The following MPPED2 variants were observed in gnomAD, a reference collection of about 807,000 sequenced individuals.
MPPED2 encodes metallophosphoesterase MPPED2.
Under a neutral mutation model 33.0 loss-of-function variants are expected in MPPED2, and 5 were observed. The ratio of observed to expected loss-of-function variants is 0.15; its 90% CI spans 0.08 to 0.32. The LOEUF (loss-of-function observed/expected upper bound fraction) is 0.32. Among genes scored for constraint, MPPED2 ranks in the 10% least tolerant of loss-of-function variants. The pLI, the probability that MPPED2 is intolerant of heterozygous loss-of-function variation, is 1.00. For missense variants in MPPED2, 275 were observed against 372.1 expected (o/e 0.74, Z 2.15); for synonymous variants, 136 against 141.9 (o/e 0.96, Z 0.29).
chr11:30,523,495 A>G (rs1361517758), intron 3 of MPPED2, among the ~76,000 whole-genome samples: 2 of 152,110 alleles, frequency 1.3e-5, no homozygotes, highest in East Asian at 1.9e-4. Context: ...CAAAATGATC[A>G]TGTCTAACAT....
downstream of MPPED2, among the ~76,000 whole-genome samples, chr11:30,409,110 C>T (rs533522064): frequency 1.1e-3 from 161 of 152,272 alleles, no homozygotes; most frequent in South Asian, 0.013. Context: ...TGTGCCCAGA[C>T]GTACTCTCAA....
At chr11:30,574,496 A>G (rs1956837893) in intron 2 of MPPED2, among the ~76,000 whole-genome samples, 1 of 152,200 alleles carries the variant, frequency 6.6e-6, no homozygotes, top group African/African-American at 2.4e-5. Context: ...TATCCCTGTC[A>G]TTAAGTGACA....
At chr11:30,552,356 T>C (rs1955757509) in intron 2 of MPPED2, among the ~76,000 whole-genome samples, 1 of 152,174 alleles carries the variant, frequency 6.6e-6, no homozygotes, top group Non-Finnish European at 1.5e-5. Flanking sequence ...TTTTTTACCC[T>C]AGTTATGTAA....
At chr11:30,440,900 G>A (rs993665476) in intron 4 of MPPED2, among the ~76,000 whole-genome samples, 1 of 152,176 alleles carries the variant, frequency 6.6e-6, no homozygotes, top group African/African-American at 2.4e-5. Flanking sequence ...CTGTGGAATC[G>A]TAATATGTCT....
chr11:30,391,369 G>C (rs746444251), intron 6 of MPPED2, among the ~76,000 whole-genome samples: 1 of 152,150 alleles, frequency 6.6e-6, no homozygotes, highest in African/African-American at 2.4e-5. Flanking sequence ...CAGCCCTCAG[G>C]TTCCTCATTG....
At chr11:30,474,231 T>C (rs573667168) in intron 4 of MPPED2, among the ~76,000 whole-genome samples, 1 of 152,298 alleles carries the variant, frequency 6.6e-6, no homozygotes, top group African/African-American at 2.4e-5. Context: ...GAGAGTGTTC[T>C]AGCTTCCTGT....
intron 4 of MPPED2, among the ~76,000 whole-genome samples, chr11:30,485,091 A>G (rs1293601362): frequency 1.3e-5 from 2 of 152,202 alleles, no homozygotes; most frequent in East Asian, 3.8e-4. Context: ...CTTAACATAC[A>G]TGATCTTATT....
chr11:30,548,160 G>A, intron 2 of MPPED2, among the ~76,000 whole-genome samples: 1 of 151,926 alleles, frequency 6.6e-6, no homozygotes, highest in East Asian at 1.9e-4. Flanking sequence ...ATAAACTAGG[G>A]ATAATAATAG....
chr11:30,389,537 A>G (rs1294204102), intron 6 of MPPED2, among the ~76,000 whole-genome samples: 1 of 152,246 alleles, frequency 6.6e-6, no homozygotes, highest in Non-Finnish European at 1.5e-5. Flanking sequence ...GCAGAAATTC[A>G]GGGACTCCCT....
At chr11:30,547,916 G>A (rs1040329149) in intron 2 of MPPED2, among the ~76,000 whole-genome samples, 2 of 152,070 alleles carry the variant, frequency 1.3e-5, no homozygotes, top group African/African-American at 4.8e-5. Flanking sequence ...CTTTCATTTG[G>A]GAGGGCATAC....
chr11:30,562,384 G>A (rs1202361779), intron 2 of MPPED2, among the ~76,000 whole-genome samples: 1 of 152,126 alleles, frequency 6.6e-6, no homozygotes, highest in African/African-American at 2.4e-5. Context: ...ATCTTCCAGG[G>A]CAGAAAATAG....
intron 3 of MPPED2, among the ~76,000 whole-genome samples, chr11:30,531,339 G>A (rs1329108431): frequency 6.6e-6 from 1 of 152,168 alleles, no homozygotes; most frequent in African/African-American, 2.4e-5. Context: ...GGTTGTCTGG[G>A]CAAATGGAGG....
intron 2 of MPPED2, among the ~76,000 whole-genome samples, chr11:30,547,810 A>G (rs971606238): frequency 6.8e-6 from 1 of 147,884 alleles, no homozygotes; most frequent in Non-Finnish European, 1.5e-5. Context: ...AAATTTTCTG[A>G]CAGGTGTTTG....
chr11:30,496,636 A>G (rs1236878416), intron 3 of MPPED2, among the ~76,000 whole-genome samples: 3 of 141,108 alleles, frequency 2.1e-5, no homozygotes, highest in African/African-American at 7.9e-5. Flanking sequence ...TGTTGTAAGA[A>G]CTGGTCCTTA....
intron 6 of MPPED2, among the ~76,000 whole-genome samples, chr11:30,400,544 G>A (rs1419426375): frequency 6.6e-6 from 1 of 152,150 alleles, no homozygotes; most frequent in Admixed American, 6.5e-5. Flanking sequence ...GTTAATATTA[G>A]CCAGACATGT....
intron 3 of MPPED2, among the ~76,000 whole-genome samples, chr11:30,518,023 C>A (rs940455130): frequency 1.1e-5 from 1 of 89,412 alleles, no homozygotes; most frequent in Non-Finnish European, 2.6e-5. Context: ...ATATCCATGA[C>A]ATTTTTAAAA....
chr11:30,385,868 AC>A (rs1414283939), exon 7 of MPPED2: 2 of 151,444 alleles, frequency 1.3e-5, no homozygotes, highest in African/African-American at 4.9e-5. Flanking sequence ...CCTTAATGTC[AC>A]TCACCCACTC....
chr11:30,514,162 C>G (rs777075053), intron 3 of MPPED2, among the ~76,000 whole-genome samples: 1 of 152,128 alleles, frequency 6.6e-6, no homozygotes, highest in Non-Finnish European at 1.5e-5. Context: ...ATTCATAGAC[C>G]CAGGTGAGGG....
intron 3 of MPPED2, among the ~76,000 whole-genome samples, chr11:30,516,335 C>T (rs990753318): frequency 2.6e-5 from 4 of 152,140 alleles, no homozygotes; most frequent in Admixed American, 6.5e-5. Context: ...TATTTCTATA[C>T]GTCTTCATTT....
Sources: gnomAD v4.1 joint callset for allele counts (sites outside exome capture counted in the v4.1 genomes callset) on GRCh38, gnomAD v4.1.1 for gene constraint, MANE v1.5 for transcripts, NCBI Gene and HGNC (gene_info 2026-07-23, HGNC 2026-07-21) for gene names.